The following HCRTR2 variants were observed in gnomAD, a reference collection of about 807,000 sequenced individuals.
HCRTR2 encodes hypocretin receptor 2.
In HCRTR2, 22 loss-of-function variants were observed where a neutral mutation model predicts 49.0. The ratio of observed to expected loss-of-function variants is 0.45; its 90% CI spans 0.32 to 0.64. HCRTR2 has a LOEUF of 0.64. HCRTR2 is among the 30% of genes least tolerant of loss of function. The pLI is 0.04. For missense variants in HCRTR2, 491 were observed against 559.4 expected, an observed-to-expected ratio of 0.88 and a Z score of 1.23; for synonymous variants, 236 against 205.3, an observed-to-expected ratio of 1.15 and a Z score of -1.28.
At chr6:55,223,552 A>T (rs1051579466) in intron 1 of HCRTR2, among the ~76,000 whole-genome samples, 4 of 152,200 alleles carry the variant, frequency 2.6e-5, no homozygotes, top group Admixed American at 2.0e-4. Context: ...AGAGGGAAGA[A>T]AAGGGTCTTT....
At chr6:55,255,726 A>G (rs1352924256) in intron 3 of HCRTR2, among the ~76,000 whole-genome samples, 1 of 152,176 alleles carries the variant, frequency 6.6e-6, no homozygotes, top group East Asian at 1.9e-4. Context: ...TTCTGGAATG[A>G]TCCACGATTT....
intron 1 of HCRTR2, among the ~76,000 whole-genome samples, chr6:55,115,145 A>C (rs1379336326): frequency 1.3e-5 from 2 of 151,712 alleles, no homozygotes; most frequent in Non-Finnish European, 3.0e-5. Context: ...TATCTCTTCT[A>C]CTTCTGTACC....
At position 55,212,600 on chromosome 6, in the gene HCRTR2, A is replaced by G. The variant is rs147120031; in HGVS notation, c.224-36039A>G. ...CTGGCGTGGAAGTAGTTGTGAGAGCATATGATACCCAAAGTTTCGGTAGAC... is the reference window on the plus strand; with the variant it reads ...CTGGCGTGGAAGTAGTTGTGAGAGCGTATGATACCCAAAGTTTCGGTAGAC... On this transcript the variant is annotated intron_variant, in intron 1 of 6. Coordinates refer to ENST00000370862, the MANE Select transcript of HCRTR2 (RefSeq NM_001384272.1). Among the ~76,000 whole-genome samples, 1,229 of 152,318 alleles carry G rather than the reference A, an allele frequency of 8.1e-3. 11 individuals carry two copies. The highest frequency in any genetic ancestry group is 0.014 in the Admixed American group (214 of 15,296).
chr6:55,131,928 GC>G (rs1354367547), intron 1 of HCRTR2, among the ~76,000 whole-genome samples: 2 of 151,694 alleles, frequency 1.3e-5, no homozygotes, highest in African/African-American at 4.8e-5. Context: ...CATGTGGCAA[GC>G]TTTATAATCA....
At chr6:55,143,270 A>G (rs1220628114) in intron 1 of HCRTR2, among the ~76,000 whole-genome samples, 1 of 151,664 alleles carries the variant, frequency 6.6e-6, no homozygotes, top group African/African-American at 2.4e-5. Flanking sequence ...TAGTTTAGGA[A>G]CTCTGTCATC....
chr6:55,108,188 TA>T (rs1236498300), intron 1 of HCRTR2, among the ~76,000 whole-genome samples: 2 of 152,136 alleles, frequency 1.3e-5, no homozygotes, highest in Non-Finnish European at 2.9e-5. Context: ...CAACTTTTTT[TA>T]TTGCTTCATA....
intron 1 of HCRTR2, among the ~76,000 whole-genome samples, chr6:55,169,354 T>C (rs1489985368): frequency 1.3e-5 from 2 of 151,450 alleles, no homozygotes; most frequent in African/African-American, 2.4e-5. Context: ...TGGGAGGTAA[T>C]AGAAAGATTG....
chr6:55,238,077 G>A (rs1766247798), intron 1 of HCRTR2, among the ~76,000 whole-genome samples: 1 of 152,164 alleles, frequency 6.6e-6, no homozygotes, highest in South Asian at 2.1e-4. Flanking sequence ...ATGCCAACTG[G>A]GTATTGACAC....
intron 1 of HCRTR2, among the ~76,000 whole-genome samples, chr6:55,160,635 G>A (rs1250167664): frequency 2.0e-5 from 3 of 152,064 alleles, no homozygotes; most frequent in Non-Finnish European, 4.4e-5. Context: ...AAGGGATGGA[G>A]GAATATTTAC....
intron 1 of HCRTR2, among the ~76,000 whole-genome samples, chr6:55,155,509 G>GTT (rs1764718700): frequency 6.6e-6 from 1 of 151,940 alleles, no homozygotes; most frequent in African/African-American, 2.4e-5. Context: ...AACATCAGAT[G>GTT]ATAATTTTGC....
chr6:55,157,470 G>A (rs544658334), intron 1 of HCRTR2, among the ~76,000 whole-genome samples: 13 of 152,352 alleles, frequency 8.5e-5, no homozygotes, highest in East Asian at 1.9e-4. Context: ...TTGCCCTGAA[G>A]GGAAGGACAC....
chr6:55,195,549 C>A (rs1160894302), intron 1 of HCRTR2, among the ~76,000 whole-genome samples: 1 of 152,176 alleles, frequency 6.6e-6, no homozygotes, highest in Non-Finnish European at 1.5e-5. Context: ...CAATAATTCA[C>A]TGTATATTTC....
intron 1 of HCRTR2, among the ~76,000 whole-genome samples, chr6:55,226,127 T>A (rs1378058133): frequency 6.6e-6 from 1 of 152,228 alleles, no homozygotes; most frequent in African/African-American, 2.4e-5. Context: ...AACTCATGTA[T>A]CTTTAAAAGA....
intron 1 of HCRTR2, among the ~76,000 whole-genome samples, chr6:55,124,757 G>T (rs112475701): frequency 2.6e-5 from 4 of 152,176 alleles, no homozygotes; most frequent in African/African-American, 9.6e-5. Context: ...GTTTCTTGTA[G>T]GTCTCTAAGG....
At chr6:55,218,181 C>A (rs964163173) in intron 1 of HCRTR2, among the ~76,000 whole-genome samples, 1 of 152,152 alleles carries the variant, frequency 6.6e-6, no homozygotes, top group Non-Finnish European at 1.5e-5. Context: ...TTAATCTATT[C>A]ATGAGGGCTC....
At chr6:55,253,343 C>T (rs987211666) in intron 2 of HCRTR2, among the ~76,000 whole-genome samples, 1 of 152,076 alleles carries the variant, frequency 6.6e-6, no homozygotes, top group East Asian at 1.9e-4. Flanking sequence ...AGACTTTCTG[C>T]ACTGTTGCAC....
At chr6:55,134,280 C>A (rs1764403451) in intron 1 of HCRTR2, among the ~76,000 whole-genome samples, 1 of 151,550 alleles carries the variant, frequency 6.6e-6, no homozygotes. Flanking sequence ...TCTTTTCAAG[C>A]AAAACAGAAC....
intron 1 of HCRTR2, among the ~76,000 whole-genome samples, chr6:55,134,749 G>T (rs761604807): frequency 5.3e-4 from 81 of 151,832 alleles, no homozygotes; most frequent in Non-Finnish European, 1.1e-3. Flanking sequence ...GCTGTGTCTG[G>T]CTTATTTCAT....
chr6:55,240,727 G>T, intron 1 of HCRTR2: 1 of 374,438 alleles, frequency 2.7e-6, no homozygotes, highest in Non-Finnish European at 5.3e-6. Context: ...TAATACTCCT[G>T]GTCAGCTTCC....
Sources: allele counts gnomAD v4.1 joint callset (sites outside exome capture counted in the v4.1 genomes callset), GRCh38; gene constraint gnomAD v4.1.1; transcripts MANE v1.5; gene names NCBI Gene and HGNC (gene_info 2026-07-23, HGNC 2026-07-21).